Variants in KALRN observed in about 807,000 individuals in gnomAD.
KALRN encodes kalirin.
In KALRN, 70 loss-of-function variants were observed where a neutral mutation model predicts 353.7. The observed-to-expected ratio is 0.20, with a 90% CI of 0.16 to 0.24. The LOEUF is 0.24. Ranked by LOEUF, KALRN falls within the 10% of genes least tolerant of loss-of-function variation. KALRN has a pLI of 1.00. For synonymous variants in KALRN, 1,391 were observed against 1,434.8 expected, an observed-to-expected ratio of 0.97 and a Z score of 0.69; for missense variants, 2,791 against 3,756.7, an observed-to-expected ratio of 0.74 and a Z score of 6.72.
rs1050977663 is a variant in KALRN, at chr3:124,452,515, T to G, written c.3553-2662T>G. On this transcript the variant is annotated intron_variant, in intron 21 of 59. Coordinates refer to ENST00000682506, the MANE Select transcript of KALRN (RefSeq NM_001388419.1). The stretch of plus-strand genomic sequence containing the variant: ...CACTGGGAAGGCATTGCCCACTTGT[T>G]TTTTGGGGAGGAGAGGAGAGGAAAA... Among the ~76,000 whole-genome samples the G allele has an allele frequency of 9.2e-5, 14 of 152,082 alleles. 1 individual carries two copies.
chr3:124,632,014 A>G (rs543021554), intron 34 of KALRN, among the ~76,000 whole-genome samples: 2 of 152,158 alleles, frequency 1.3e-5, no homozygotes, highest in African/African-American at 2.4e-5. Context: ...CACCTCTTCA[A>G]TCTGCACCCC....
intron 1 of KALRN, among the ~76,000 whole-genome samples, chr3:124,214,634 C>T (rs948542443): frequency 4.6e-5 from 7 of 152,130 alleles, no homozygotes; most frequent in South Asian, 2.1e-4. Context: ...GTGAGAAAAT[C>T]GTTTCAGAGA....
rs542697032 is a variant in KALRN, at chr3:124,360,855, G to A, written c.1770+13590G>A. ...CCAGCATTTGTCTACGCTGAAAGAA[G>A]AGGGAGCATGTGATGAATTTGCATA... is the stretch of plus-strand genomic sequence containing the variant. On this transcript the variant is annotated intron_variant, in intron 10 of 59. Coordinates refer to ENST00000682506, the MANE Select transcript of KALRN (RefSeq NM_001388419.1). Among the ~76,000 whole-genome samples the A allele has an allele frequency of 3.3e-5, 5 of 152,336 alleles. No homozygotes were observed. The South Asian group carries it at 1.0e-3, about 32-fold the overall frequency.
At chr3:124,160,096 T>G (rs553208455) in intron 1 of KALRN, among the ~76,000 whole-genome samples, 28 of 151,592 alleles carry the variant, frequency 1.8e-4, no homozygotes, top group African/African-American at 6.5e-4. Context: ...AATGTGACCT[T>G]ACTTGGAAAT....
intron 22 of KALRN, 135 bp downstream of exon 22, chr3:124,455,494 G>C: frequency 1.2e-6 from 1 of 807,346 alleles, no homozygotes; most frequent in South Asian, 1.9e-5. Context: ...CGCTTGACTT[G>C]TGTGGCTTTT....
At chr3:124,434,219 C>T in intron 16 of KALRN, 88 bp from the exon 17 acceptor site, 1 of 870,352 alleles carries the variant, frequency 1.1e-6, no homozygotes, top group Non-Finnish European at 1.8e-6. Context: ...AACTTCTCTG[C>T]ATCTTTTCAC....
intron 33 of KALRN, among the ~76,000 whole-genome samples, chr3:124,541,979 C>G (rs1284433836): frequency 1.3e-5 from 2 of 152,146 alleles, no homozygotes; most frequent in African/African-American, 2.4e-5. Context: ...GAGACGCTGT[C>G]TCAAAAGAAA....
rs191164591 is a variant in KALRN, at chr3:124,265,933, T to C, written c.456+1243T>C. ...GAGTTCAAGACCAGCCTGGCCAACA[T>C]GGTGAAACCCTGTCTCTACTAAAAA... On this transcript the variant is annotated intron_variant, in intron 4 of 59. Coordinates refer to ENST00000682506, the MANE Select transcript of KALRN (RefSeq NM_001388419.1). Among the ~76,000 whole-genome samples the C allele has an allele frequency of 3.3e-5, 5 of 152,048 alleles. No individual in the cohort carries two copies. The East Asian group carries it at 9.7e-4, about 30-fold the overall frequency.
chr3:124,086,492 T>A (rs936368195), intron 1 of KALRN, among the ~76,000 whole-genome samples: 1 of 152,160 alleles, frequency 6.6e-6, no homozygotes, highest in African/African-American at 2.4e-5. Context: ...GGGTTGCCTG[T>A]TCATAATCTT....
intron 1 of KALRN, among the ~76,000 whole-genome samples, chr3:124,128,668 A>G (rs966820420): frequency 6.6e-6 from 1 of 152,182 alleles, no homozygotes; most frequent in African/African-American, 2.4e-5. Flanking sequence ...CAGAGCCATG[A>G]AAAACCTTGA....
chr3:124,068,912 G>A (rs2042600830), intron 1 of KALRN, among the ~76,000 whole-genome samples: 1 of 152,202 alleles, frequency 6.6e-6, no homozygotes, highest in Non-Finnish European at 1.5e-5. Context: ...TTTGTGATAT[G>A]AAAAGAGCCT....
chr3:124,141,358 A>G (rs2066605454), intron 1 of KALRN, among the ~76,000 whole-genome samples: 1 of 151,946 alleles, frequency 6.6e-6, no homozygotes, highest in African/African-American at 2.4e-5. Flanking sequence ...ACTTTTTTAT[A>G]CTGTTTCCCA....
chr3:124,417,440 G>A (rs1442623948), intron 14 of KALRN, among the ~76,000 whole-genome samples: 2 of 152,190 alleles, frequency 1.3e-5, no homozygotes, highest in Middle Eastern at 3.2e-3. Context: ...TAAGACAAGA[G>A]CAACGTACCC....
chr3:124,712,803 T>G, intron 57 of KALRN, 132 bp from the exon 58 acceptor site: 1 of 578,416 alleles, frequency 1.7e-6, no homozygotes, highest in Non-Finnish European at 3.0e-6. Flanking sequence ...AACATTATAA[T>G]TAAAAATATA....
chr3:124,364,729 T>A (rs2084448740), intron 10 of KALRN, among the ~76,000 whole-genome samples: 1 of 152,096 alleles, frequency 6.6e-6, no homozygotes. Context: ...CTCCTCTGAC[T>A]CCCTCCCACC....
chr3:124,309,278 T>C, intron 6 of KALRN, among the ~76,000 whole-genome samples: 1 of 151,754 alleles, frequency 6.6e-6, no homozygotes, highest in East Asian at 1.9e-4. Flanking sequence ...AGGGAACATG[T>C]CCCAGCTTAC....
intron 37 of KALRN, among the ~76,000 whole-genome samples, chr3:124,642,806 G>GTTTTTTTTTTGTTGTTGTTGTTTTTTTT (rs1553707031): frequency 2.1e-5 from 2 of 96,840 alleles, no homozygotes; most frequent in African/African-American, 9.0e-5. Context: ...CCCAAGCCTC[G>GTTTTTTTTTTGTTGTTGTTGTTTTTTTT]TTTTTTTTTT....
chr3:124,456,505 T>A, intron 22 of KALRN, 105 bp from the exon 23 acceptor site: 2 of 688,258 alleles, frequency 2.9e-6, no homozygotes, highest in East Asian at 2.8e-5. Flanking sequence ...GTTTTTATCC[T>A]TCTCCATTAT....
At chr3:124,397,766 C>A (rs1452120386) in intron 12 of KALRN, among the ~76,000 whole-genome samples, 1 of 152,170 alleles carries the variant, frequency 6.6e-6, no homozygotes, top group African/African-American at 2.4e-5. Flanking sequence ...AGGCTGCACC[C>A]CCTCCTATTA....
Sources: allele counts gnomAD v4.1 joint callset (sites outside exome capture counted in the v4.1 genomes callset), GRCh38; gene constraint gnomAD v4.1.1; transcripts MANE v1.5; gene names NCBI Gene and HGNC (gene_info 2026-07-23, HGNC 2026-07-21).